ELFN2: variants seen among roughly 807,000 people sequenced by gnomAD.
ELFN2 encodes the protein protein phosphatase 1 regulatory subunit 29.
A neutral mutation model predicts 45.5 loss-of-function variants in ELFN2; 17 were observed. That is an observed-to-expected ratio of 0.37 (90% CI 0.26 to 0.56). The LOEUF (loss-of-function observed/expected upper bound fraction) is 0.56, where lower values mean the gene tolerates loss of function less well. Ranked by LOEUF, ELFN2 falls within the 20% of genes least tolerant of loss-of-function variation. ELFN2 has a pLI of 0.77. For synonymous variants in ELFN2, 550 were observed against 551.5 expected, an observed-to-expected ratio of 1.00 and a Z score of 0.04; for missense variants, 922 against 1,183.2, an observed-to-expected ratio of 0.78 and a Z score of 3.24.
chr22:37,397,591 C>T (rs1457820209), intron 2 of ELFN2, among the ~76,000 whole-genome samples: 1 of 152,194 alleles, frequency 6.6e-6, no homozygotes, highest in Non-Finnish European at 1.5e-5. Context: ...GAAGCCTCGC[C>T]TAGACCCCAA....
chr22:37,350,277 C>A (rs1930792146), intron 1 of ELFN2, among the ~76,000 whole-genome samples: 1 of 150,794 alleles, frequency 6.6e-6, no homozygotes, highest in South Asian at 2.1e-4. Flanking sequence ...CGGGTGGGAG[C>A]CAAGGAAATG....
intron 2 of ELFN2, among the ~76,000 whole-genome samples, chr22:37,415,234 G>C (rs1932745310): frequency 6.6e-6 from 1 of 152,242 alleles, no homozygotes; most frequent in South Asian, 2.1e-4. Flanking sequence ...ATGGTAGACA[G>C]GACAGTCTTC....
At chr22:37,424,971 C>G (rs559879847) in intron 1 of ELFN2, among the ~76,000 whole-genome samples, 1 of 152,266 alleles carries the variant, frequency 6.6e-6, no homozygotes, top group South Asian at 2.1e-4. Flanking sequence ...CCATGGTCTC[C>G]TTAACCCCCT....
chr22:37,361,327 C>T (rs540153321), intron 1 of ELFN2, among the ~76,000 whole-genome samples: 1 of 151,656 alleles, frequency 6.6e-6, no homozygotes, highest in East Asian at 1.9e-4. Context: ...CTTTCTGAGC[C>T]CCCCTCCTCC....
At chr22:37,345,702 C>T (rs1304673821) in intron 1 of ELFN2, among the ~76,000 whole-genome samples, 2 of 152,126 alleles carry the variant, frequency 1.3e-5, no homozygotes, top group Non-Finnish European at 2.9e-5. Context: ...TGCGTGCCAC[C>T]ACGCCCAGCT....
At chr22:37,350,054 G>C (rs1930787487) in intron 1 of ELFN2, among the ~76,000 whole-genome samples, 1 of 151,000 alleles carries the variant, frequency 6.6e-6, no homozygotes, top group African/African-American at 2.4e-5. Flanking sequence ...GTGTGAGGCT[G>C]CCTGGGCTGT....
chr22:37,380,054 T>G (rs1410962029), intron 2 of ELFN2, among the ~76,000 whole-genome samples: 2 of 152,336 alleles, frequency 1.3e-5, no homozygotes, highest in Non-Finnish European at 2.9e-5. Context: ...TCCCCTGGAC[T>G]CAGGCTTGCT....
rs762273969 is a variant in ELFN2, at chr22:37,374,077, C to G, written c.1458G>C (p.Gly486=). The G allele has an allele frequency of 1.9e-6, 3 of 1,613,142 alleles. No homozygotes were observed. The highest frequency in any genetic ancestry group is 2.5e-6 in the Non-Finnish European group (3 of 1,180,048). ...TGGGTGTGTCCAGCCCGGCCTCCAA[C>G]CCCTTGGCGGTGGGCAGCTTCTCCC... ...MIGEKLPTAK[G]LEAGLDTPKV... The change falls in exon 3 of 3, where the codon GGG becomes GGC. Residue 486 remains glycine, a synonymous_variant. Transcript: ENST00000402918.
intron 2 of ELFN2, among the ~76,000 whole-genome samples, chr22:37,412,872 T>C (rs714011): frequency 0.53 from 81,044 of 151,990 alleles, 22,871 homozygotes; most frequent in African/African-American, 0.72. Flanking sequence ...ACCAGCAGCC[T>C]TCCTCCCCGG....
chr22:37,390,164 G>A (rs1932054377), intron 2 of ELFN2, among the ~76,000 whole-genome samples: 1 of 152,250 alleles, frequency 6.6e-6, no homozygotes, highest in African/African-American at 2.4e-5. Context: ...CAGGCTCTGA[G>A]GACTGCTTGT....
Position 37,350,707 on chromosome 22 carries a change from G to C in ELFN2, n.149-8004C>G, listed in dbSNP as rs139559868. 8.2e-3 allele frequency among the ~76,000 whole-genome samples: 1,239 copies of C among 150,722 alleles called. 36 individuals are homozygous for C. Among genetic ancestry groups the C allele is most frequent in the African/African-American group, 0.029 (1,184 of 41,388 alleles). Reference sequence around the variant, plus strand: ...CAGGGTGGGGGCGGCAGCTCTGGCAGAATTGTGTCAGGAGTGCCAGGTATC... The same window carrying C: ...CAGGGTGGGGGCGGCAGCTCTGGCACAATTGTGTCAGGAGTGCCAGGTATC... On this transcript the variant is annotated intron_variant and non_coding_transcript_variant, in intron 1 of 2. Coordinates refer to ENST00000452946, the Ensembl canonical transcript of ELFN2.
intron 2 of ELFN2, among the ~76,000 whole-genome samples, chr22:37,388,615 G>A (rs1932015587): frequency 6.6e-6 from 1 of 152,184 alleles, no homozygotes; most frequent in South Asian, 2.1e-4. Flanking sequence ...GGAAGTCGGG[G>A]AGGGGTCAGC....
intron 1 of ELFN2, chr22:37,353,738 T>A (rs1930879734): frequency 6.6e-6 from 1 of 150,952 alleles, no homozygotes; most frequent in African/African-American, 2.4e-5. Context: ...CCAGAGGGAC[T>A]AAAGCGCAAA....
chr22:37,426,672 C>T (rs931115008), intron 1 of ELFN2, among the ~76,000 whole-genome samples: 1 of 150,918 alleles, frequency 6.6e-6, no homozygotes, highest in Non-Finnish European at 1.5e-5. Context: ...CACACACACC[C>T]GGCAGTGGCC....
Position 37,373,009 on chromosome 22 carries a change from G to A in ELFN2, c.*63C>T, listed in dbSNP as rs917290035. The A allele has an allele frequency of 3.9e-6, 6 of 1,520,838 alleles. No individual in the cohort carries two copies. The highest frequency in any genetic ancestry group is 4.4e-6 in the Non-Finnish European group (5 of 1,135,958). The allele number at this position is 1,520,838 out of a possible 1,614,324, so 94.2% of individuals were successfully genotyped here. The stretch of plus-strand genomic sequence containing the variant: ...GTCTGCTCCCCGCCCTGGCCGCCTG[G>A]ACCCTTCCCCCAAAAGGCCCCCAGC... On this transcript the variant is annotated 3_prime_UTR_variant, in exon 3 of 3. Coordinates refer to ENST00000402918, the MANE Select transcript of ELFN2 (RefSeq NM_052906.5).
chr22:37,387,152 G>C (rs568124480), intron 2 of ELFN2, among the ~76,000 whole-genome samples: 1 of 152,116 alleles, frequency 6.6e-6, no homozygotes, highest in African/African-American at 2.4e-5. Context: ...TTTCAGTCCC[G>C]AGGGCAACAC....
At chr22:37,349,373 C>T (rs913293188) in intron 1 of ELFN2, among the ~76,000 whole-genome samples, 2 of 151,210 alleles carry the variant, frequency 1.3e-5, no homozygotes, top group African/African-American at 4.8e-5. Flanking sequence ...ACGGTGCCCC[C>T]GGCCCAGATT....
rs1271595284 is a variant in ELFN2, at chr22:37,371,392, C to G, written c.*1680G>C. The G allele has an allele frequency of 6.6e-6, 1 of 152,260 alleles. No homozygotes were observed. The highest frequency in any genetic ancestry group is 1.5e-5 in the Non-Finnish European group (1 of 68,080). 9.4% of individuals were successfully genotyped at this position (152,260 alleles called of 1,614,324 possible). A position where few individuals can be genotyped will look rare whatever the true frequency, so the allele number is the denominator to read the frequency against. On this transcript the variant is annotated 3_prime_UTR_variant, in exon 3 of 3. Transcript: ENST00000402918. The surrounding 1 kb of genome is among the most constrained non-coding windows in gnomAD (Gnocchi z 6.4). ...GGGCGTGGGGAGAGCCGGGGCCCCC[C>G]AAGCTGAGGTGGGTGGCAGCCAAGC...
intron 2 of ELFN2, among the ~76,000 whole-genome samples, chr22:37,381,718 C>A (rs944775618): frequency 6.6e-6 from 1 of 152,026 alleles, no homozygotes; most frequent in African/African-American, 2.4e-5. Context: ...ACTGCTGTAA[C>A]CCCCATGCCT....
Sources: gnomAD v4.1 joint callset for allele counts (sites outside exome capture counted in the v4.1 genomes callset) on GRCh38, gnomAD v4.1.1 for gene constraint, Gnocchi (gnomAD v3.1) non-coding constraint, MANE v1.5 for transcripts, NCBI Gene and HGNC (gene_info 2026-07-23, HGNC 2026-07-21) for gene names.